STAG1: variants seen among roughly 807,000 people sequenced by gnomAD.
The protein encoded by STAG1 is cohesin subunit SA-1.
In STAG1, 26 loss-of-function variants were observed where a neutral mutation model predicts 170.9. That is an observed-to-expected ratio of 0.15 (90% CI 0.11 to 0.21). The LOEUF is 0.21. Ranked by LOEUF, STAG1 falls within the 10% of genes least tolerant of loss-of-function variation. STAG1 has a pLI of 1.00. For synonymous variants in STAG1, 514 were observed against 497.7 expected, an observed-to-expected ratio of 1.03 and a Z score of -0.44; for missense variants, 964 against 1,509.5, an observed-to-expected ratio of 0.64 and a Z score of 5.99.
intron 12 of STAG1, among the ~76,000 whole-genome samples, chr3:136,470,909 C>A (rs2089609087): frequency 2.0e-5 from 3 of 149,980 alleles, no homozygotes; most frequent in Non-Finnish European, 4.4e-5. Context: ...TGCATGTTCT[C>A]ACTCATAGGT....
At chr3:136,390,851 C>T (rs2086990258) in intron 22 of STAG1, among the ~76,000 whole-genome samples, 1 of 152,172 alleles carries the variant, frequency 6.6e-6, no homozygotes, top group Admixed American at 6.5e-5. Flanking sequence ...AAAGAAAGAG[C>T]TACAGAAAGC....
At chr3:136,538,686 C>T (rs1422223187) in intron 6 of STAG1, among the ~76,000 whole-genome samples, 1 of 152,036 alleles carries the variant, frequency 6.6e-6, no homozygotes, top group Non-Finnish European at 1.5e-5. Flanking sequence ...TCCCAAAGTG[C>T]TGGGATTACA....
chr3:136,610,442 C>T (rs1939215278), intron 3 of STAG1, among the ~76,000 whole-genome samples: 1 of 152,142 alleles, frequency 6.6e-6, no homozygotes, highest in Non-Finnish European at 1.5e-5. Flanking sequence ...TGTGGTATTC[C>T]TGTTTTCCCA....
At chr3:136,458,529 G>C (rs1297878669) in intron 13 of STAG1, among the ~76,000 whole-genome samples, 1 of 151,958 alleles carries the variant, frequency 6.6e-6, no homozygotes, top group African/African-American at 2.4e-5. Context: ...GTCTATAATA[G>C]ATACACCAGA....
chr3:136,541,569 CA>C (rs1935907779), intron 6 of STAG1, among the ~76,000 whole-genome samples: 1 of 151,478 alleles, frequency 6.6e-6, no homozygotes, highest in African/African-American at 2.4e-5. Context: ...CACACACACA[CA>C]CACACACACA....
chr3:136,634,840 G>A (rs1940488901), intron 1 of STAG1, among the ~76,000 whole-genome samples: 2 of 152,028 alleles, frequency 1.3e-5, no homozygotes, highest in African/African-American at 4.8e-5. Context: ...GAAAAAAAGA[G>A]AGAAGGGGCA....
intron 26 of STAG1, among the ~76,000 whole-genome samples, chr3:136,359,855 T>TA (rs1052555921): frequency 1.3e-5 from 2 of 152,226 alleles, no homozygotes; most frequent in Non-Finnish European, 1.5e-5. Flanking sequence ...TTTATAGAAG[T>TA]ACACTGTATA....
intron 23 of STAG1, among the ~76,000 whole-genome samples, chr3:136,370,754 C>G (rs1170990026): frequency 1.3e-5 from 2 of 152,176 alleles, no homozygotes; most frequent in African/African-American, 2.4e-5. Flanking sequence ...TTAATCTGGT[C>G]TATCATTGTT....
At chr3:136,710,489 T>C (rs1482981570) in intron 1 of STAG1, among the ~76,000 whole-genome samples, 2 of 152,164 alleles carry the variant, frequency 1.3e-5, no homozygotes, top group East Asian at 1.9e-4. Context: ...CACTATGCAG[T>C]ATTAAGCCTA....
chr3:136,526,301 T>C (rs1935023958), intron 6 of STAG1, among the ~76,000 whole-genome samples: 1 of 152,228 alleles, frequency 6.6e-6, no homozygotes. Flanking sequence ...AATATATATT[T>C]AGGATAGTTA....
chr3:136,596,669 G>A (rs1336973350), intron 4 of STAG1, among the ~76,000 whole-genome samples: 1 of 152,054 alleles, frequency 6.6e-6, no homozygotes, highest in African/African-American at 2.4e-5. Context: ...AAGTACTGTA[G>A]CATCATGTGT....
chr3:136,744,912 G>A (rs1373568038), intron 1 of STAG1, among the ~76,000 whole-genome samples: 1 of 152,100 alleles, frequency 6.6e-6, no homozygotes, highest in Non-Finnish European at 1.5e-5. Flanking sequence ...CTGACCTCAA[G>A]TGATCCACCC....
At chr3:136,630,819 G>T in intron 2 of STAG1, 51 bp downstream of exon 2, 3 of 1,291,584 alleles carry the variant, frequency 2.3e-6, no homozygotes, top group Non-Finnish European at 3.2e-6. Context: ...GAAATAAGTT[G>T]TCCAAAATTT....
At chr3:136,436,439 G>A (rs995294141) in intron 15 of STAG1, among the ~76,000 whole-genome samples, 8 of 151,438 alleles carry the variant, frequency 5.3e-5, no homozygotes, top group African/African-American at 1.2e-4. Context: ...GTACCACCAC[G>A]CCCAGCTAAT....
chr3:136,348,816 A>G (rs974801567), intron 29 of STAG1: 6 of 261,500 alleles, frequency 2.3e-5, no homozygotes, highest in Non-Finnish European at 4.4e-5. Context: ...TATCTCATCT[A>G]TATTAGGAAG....
intron 1 of STAG1, among the ~76,000 whole-genome samples, chr3:136,703,336 C>A (rs1159630741): frequency 6.6e-6 from 1 of 152,164 alleles, no homozygotes; most frequent in Non-Finnish European, 1.5e-5. Context: ...AGGAGGCAAG[C>A]ACTTATCAGG....
At chr3:136,732,023 A>T (rs1000342075) in intron 1 of STAG1, among the ~76,000 whole-genome samples, 3 of 152,136 alleles carry the variant, frequency 2.0e-5, no homozygotes, top group Non-Finnish European at 4.4e-5. Context: ...AACAGGGACT[A>T]AAAAAATTAC....
At chr3:136,454,873 G>A (rs1400926739) in intron 13 of STAG1, among the ~76,000 whole-genome samples, 2 of 152,192 alleles carry the variant, frequency 1.3e-5, no homozygotes, top group African/African-American at 4.8e-5. Flanking sequence ...CTATACGTGT[G>A]TGGATGTGTA....
At chr3:136,615,038 C>G (rs1029253173) in intron 3 of STAG1, among the ~76,000 whole-genome samples, 1 of 151,952 alleles carries the variant, frequency 6.6e-6, no homozygotes, top group African/African-American at 2.4e-5. Flanking sequence ...TAAAAACCTT[C>G]TAAGAGAAAC....
Sources: allele counts gnomAD v4.1 joint callset (sites outside exome capture counted in the v4.1 genomes callset), GRCh38; gene constraint gnomAD v4.1.1; transcripts MANE v1.5; gene names NCBI Gene and HGNC (gene_info 2026-07-23, HGNC 2026-07-21).